PPP2R2B: variants seen among roughly 807,000 people sequenced by gnomAD.
PPP2R2B encodes protein phosphatase 2 regulatory subunit Bbeta.
In PPP2R2B, 5 loss-of-function variants were observed where a neutral mutation model predicts 46.0. The observed-to-expected ratio is 0.11, with a 90% CI of 0.06 to 0.23. The LOEUF (loss-of-function observed/expected upper bound fraction) is 0.23, where lower values mean the gene tolerates loss of function less well. Among genes scored for constraint, PPP2R2B ranks in the 10% least tolerant of loss-of-function variants. The pLI, the probability that PPP2R2B is intolerant of heterozygous loss-of-function variation, is 1.00. For missense variants in PPP2R2B, 367 were observed against 575.0 expected (o/e 0.64, Z 3.70); for synonymous variants, 215 against 206.7 (o/e 1.04, Z -0.34).
intron 2 of PPP2R2B, among the ~76,000 whole-genome samples, chr5:146,728,924 A>C (rs1752052753): frequency 6.6e-6 from 1 of 152,200 alleles, no homozygotes; most frequent in African/African-American, 2.4e-5. Context: ...AAAACAGACT[A>C]ATACAGCAAA....
chr5:146,997,161 T>C (rs1753957741), intron 1 of PPP2R2B, among the ~76,000 whole-genome samples: 1 of 152,096 alleles, frequency 6.6e-6, no homozygotes, highest in Non-Finnish European at 1.5e-5. Flanking sequence ...TACTGGCATT[T>C]AAAAAAGGCA....
chr5:146,602,510 C>T (rs768101008), intron 7 of PPP2R2B, among the ~76,000 whole-genome samples: 1 of 152,200 alleles, frequency 6.6e-6, no homozygotes, highest in Non-Finnish European at 1.5e-5. Context: ...GTTTATATCA[C>T]AATTTTAGGC....
intron 2 of PPP2R2B, among the ~76,000 whole-genome samples, chr5:146,857,382 A>G (rs562846705): frequency 2.6e-5 from 4 of 152,352 alleles, no homozygotes; most frequent in African/African-American, 9.6e-5. Flanking sequence ...CCACTAATAT[A>G]GAACAAAAGG....
At position 146,964,674 on chromosome 5, in the gene PPP2R2B, C is replaced by T. The variant is rs565079697; in HGVS notation, c.79+90991G>A. The stretch of plus-strand genomic sequence containing the variant: ...CCGAGTAGCTGGGACTACAGGCTCC[C>T]GCCACCACGCCAGGCTAAGTTTTTG... On this transcript the variant is annotated intron_variant, in intron 1 of 8. Transcript: ENST00000336640. 9.5e-4 allele frequency among the ~76,000 whole-genome samples: 144 copies of T among 152,146 alleles called. 1 individual carries two copies. The highest frequency in any genetic ancestry group is 4.0e-4 in the Non-Finnish European group (27 of 68,008).
At chr5:146,795,170 G>A (rs1225000539) in intron 2 of PPP2R2B, among the ~76,000 whole-genome samples, 1 of 152,004 alleles carries the variant, frequency 6.6e-6, no homozygotes, top group African/African-American at 2.4e-5. Context: ...AAGGAGATTA[G>A]ATAGGCTCCC....
At chr5:146,740,063 G>C (rs1030201756) in intron 2 of PPP2R2B, among the ~76,000 whole-genome samples, 23 of 152,184 alleles carry the variant, frequency 1.5e-4, no homozygotes, top group African/African-American at 5.3e-4. Context: ...ACCTCACAAT[G>C]ATTGCAAAGC....
intron 7 of PPP2R2B, among the ~76,000 whole-genome samples, chr5:146,605,190 G>T (rs1161931635): frequency 6.6e-6 from 1 of 152,130 alleles, no homozygotes; most frequent in Non-Finnish European, 1.5e-5. Flanking sequence ...CAGCTAGTAG[G>T]AACAGAGGCA....
At chr5:146,900,715 T>G (rs1004065024) in intron 1 of PPP2R2B, among the ~76,000 whole-genome samples, 7 of 151,990 alleles carry the variant, frequency 4.6e-5, no homozygotes, top group Non-Finnish European at 7.4e-5. Context: ...TGATTTGCTG[T>G]GCCCATCAAC....
At chr5:146,717,375 A>C (rs1780554343) in intron 2 of PPP2R2B, among the ~76,000 whole-genome samples, 1 of 152,244 alleles carries the variant, frequency 6.6e-6, no homozygotes, top group South Asian at 2.1e-4. Context: ...AAAAGCTTCA[A>C]ACTTGAAAAA....
At chr5:146,721,023 T>C (rs1479398613) in intron 2 of PPP2R2B, among the ~76,000 whole-genome samples, 2 of 152,218 alleles carry the variant, frequency 1.3e-5, no homozygotes, top group Non-Finnish European at 2.9e-5. Flanking sequence ...AGATAATTTA[T>C]TTTTTATTTC....
intron 5 of PPP2R2B, among the ~76,000 whole-genome samples, chr5:146,681,914 CTGTAA>C (rs1778198216): frequency 6.7e-6 from 1 of 150,142 alleles, no homozygotes; most frequent in Admixed American, 6.6e-5. Flanking sequence ...AGATTTTCTT[CTGTAA>C]TGTGATTCTT....
At chr5:146,639,271 C>A (rs1442314007) in intron 6 of PPP2R2B, among the ~76,000 whole-genome samples, 1 of 152,130 alleles carries the variant, frequency 6.6e-6, no homozygotes, top group African/African-American at 2.4e-5. Context: ...AGAAACAAGC[C>A]ATCCAGTTGG....
At chr5:146,741,035 C>CAAAA (rs34289574) in intron 2 of PPP2R2B, among the ~76,000 whole-genome samples, 1 of 142,534 alleles carries the variant, frequency 7.0e-6, no homozygotes, top group African/African-American at 2.6e-5. Context: ...GACTCCGTCT[C>CAAAA]AAAAAAAAAA....
At chr5:146,636,403 G>C (rs577360557) in intron 7 of PPP2R2B, among the ~76,000 whole-genome samples, 63 of 152,266 alleles carry the variant, frequency 4.1e-4, no homozygotes, top group African/African-American at 1.4e-3. Context: ...ATTTTATATG[G>C]GTTAAAATGT....
chr5:146,824,695 A>G (rs1186341422), intron 2 of PPP2R2B, among the ~76,000 whole-genome samples: 1 of 152,002 alleles, frequency 6.6e-6, no homozygotes, highest in Non-Finnish European at 1.5e-5. Flanking sequence ...TAATTAATTA[A>G]GCCTCTCTTA....
rs76038095 is a variant in PPP2R2B at position 146,602,640 on chromosome 5, A to G, written c.791-2180T>C. Among the ~76,000 whole-genome samples, 228 of 152,352 alleles carry G rather than the reference A, an allele frequency of 1.5e-3. 1 individual carries two copies. The South Asian group carries it at 0.03, about 20-fold the overall frequency. ...AATTCTATATAAAGAACCCAAGTAT[A>G]TAATTAAGTTGCTGAATTAAACCGT... On this transcript the variant is annotated intron_variant, in intron 7 of 9. Transcript: ENST00000394411.
At position 146,581,751 on chromosome 5, in the gene PPP2R2B, A is replaced by G. The variant is rs1365578900; in HGVS notation, c.*8196T>C. The G allele has an allele frequency of 6.6e-6, 1 of 152,170 alleles. No individual in the cohort carries two copies. The highest frequency in any genetic ancestry group is 1.5e-5 in the Non-Finnish European group (1 of 68,038). The allele number at this position is 152,170 out of a possible 1,614,324, so 9.4% of individuals were successfully genotyped here. On this transcript the variant is annotated 3_prime_UTR_variant, in exon 10 of 10. Transcript: ENST00000394411. ...TGACTCACTTTACTTTCCTTTACGG[A>G]GAAATAGATTGTCTTTAATATGCAA...
intron 1 of PPP2R2B, among the ~76,000 whole-genome samples, chr5:146,929,081 C>G (rs1763882460): frequency 6.6e-6 from 1 of 152,134 alleles, no homozygotes; most frequent in Non-Finnish European, 1.5e-5. Flanking sequence ...TCAATGACGC[C>G]CACCCTGTAT....
intron 1 of PPP2R2B, among the ~76,000 whole-genome samples, chr5:147,045,370 T>C (rs1328572299): frequency 2.0e-5 from 3 of 152,180 alleles, no homozygotes; most frequent in African/African-American, 2.4e-5. Context: ...TGTGTTACAA[T>C]TGCCCACAGA....
Sources: gnomAD v4.1 joint callset for allele counts (sites outside exome capture counted in the v4.1 genomes callset) on GRCh38, gnomAD v4.1.1 for gene constraint, MANE v1.5 for transcripts, NCBI Gene and HGNC (gene_info 2026-07-23, HGNC 2026-07-21) for gene names.